Variants in ADGRB3 observed in about 807,000 individuals in gnomAD.
ADGRB3 encodes the protein adhesion G protein-coupled receptor B3, also known as brain-specific angiogenesis inhibitor 3.
In ADGRB3, 37 loss-of-function variants were observed where a neutral mutation model predicts 193.4. The ratio of observed to expected loss-of-function variants is 0.19; its 90% confidence interval spans 0.15 to 0.25. The LOEUF is 0.25. ADGRB3 is among the 10% of genes least tolerant of loss of function. The pLI is 1.00. For missense variants in ADGRB3, 1,637 were observed against 1,852.9 expected, an observed-to-expected ratio of 0.88 and a Z score of 2.14; for synonymous variants, 690 against 644.2, an observed-to-expected ratio of 1.07 and a Z score of -1.08.
rs528286255 is a variant in ADGRB3, at chr6:69,279,563, T to G, written c.2814+40337T>G. The stretch of plus-strand genomic sequence containing the variant: ...TTGATTCTGCACTATCAGACTGTAA[T>G]TATACATATATATATTTGTACTCTC... On this transcript the variant is annotated intron_variant, in intron 20 of 31. Transcript: ENST00000370598. Among the ~76,000 whole-genome samples, 68 of 152,286 alleles carry G rather than the reference T, an allele frequency of 4.5e-4. No homozygotes were observed. In the South Asian group the frequency reaches 9.7e-3, roughly 22 times the overall value.
rs576043874 is a variant in ADGRB3, at chr6:69,272,342, G to A, written c.2814+33116G>A. On this transcript the variant is annotated intron_variant, in intron 20 of 31. Transcript: ENST00000370598. ...CAGCAGATAATTAGAATGCAGTGTCGTGGTTATTGTCCAGCTCAAGAGAGA... is the reference window on the plus strand; with the variant it reads ...CAGCAGATAATTAGAATGCAGTGTCATGGTTATTGTCCAGCTCAAGAGAGA... Among the ~76,000 whole-genome samples, 10 of 152,292 alleles carry A rather than the reference G, an allele frequency of 6.6e-5. 1 individual carries two copies. The East Asian group carries it at 1.4e-3, about 21-fold the overall frequency.
chr6:69,130,105 C>T (rs1160401623), intron 17 of ADGRB3, among the ~76,000 whole-genome samples: 4 of 151,978 alleles, frequency 2.6e-5, no homozygotes, highest in African/African-American at 9.7e-5. Flanking sequence ...ATCAAAGAGC[C>T]AACAGATTCA....
intron 8 of ADGRB3, among the ~76,000 whole-genome samples, chr6:68,960,334 A>G (rs898621778): frequency 2.0e-5 from 3 of 152,192 alleles, no homozygotes; most frequent in Non-Finnish European, 4.4e-5. Context: ...AAATGTATAC[A>G]ATATTAGCAA....
At chr6:69,027,505 A>G (rs984649886) in intron 13 of ADGRB3, among the ~76,000 whole-genome samples, 1 of 152,234 alleles carries the variant, frequency 6.6e-6, no homozygotes, top group African/African-American at 2.4e-5. Flanking sequence ...ATACTAAGCA[A>G]TAGAAATTTT....
intron 3 of ADGRB3, among the ~76,000 whole-genome samples, chr6:68,647,947 TA>T (rs1451234522): frequency 6.6e-6 from 1 of 151,866 alleles, no homozygotes; most frequent in African/African-American, 2.4e-5. Flanking sequence ...AATTAGATAC[TA>T]AAAAAAATCA....
At chr6:68,940,651 G>C (rs533605206) in intron 5 of ADGRB3, among the ~76,000 whole-genome samples, 2 of 143,898 alleles carry the variant, frequency 1.4e-5, no homozygotes, top group African/African-American at 5.1e-5. Flanking sequence ...TGTAATCCCA[G>C]CACTTTGGGA....
At chr6:69,070,422 G>A (rs1397343338) in intron 16 of ADGRB3, among the ~76,000 whole-genome samples, 1 of 152,012 alleles carries the variant, frequency 6.6e-6, no homozygotes, top group South Asian at 2.1e-4. Context: ...CTTAAATCAG[G>A]GTAATGAACA....
chr6:69,376,594 A>G (rs1056647634), intron 30 of ADGRB3, among the ~76,000 whole-genome samples: 1 of 152,004 alleles, frequency 6.6e-6, no homozygotes, highest in Admixed American at 6.6e-5. Context: ...GGGGGATAAT[A>G]GAAGTAAGAG....
chr6:68,737,314 C>CT (rs1765891393), intron 3 of ADGRB3, among the ~76,000 whole-genome samples: 1 of 151,938 alleles, frequency 6.6e-6, no homozygotes, highest in African/African-American at 2.4e-5. Context: ...AAAAGACATT[C>CT]TTTTTTTGCA....
intron 17 of ADGRB3, among the ~76,000 whole-genome samples, chr6:69,136,068 T>A (rs1474897421): frequency 6.6e-6 from 1 of 152,066 alleles, no homozygotes; most frequent in Non-Finnish European, 1.5e-5. Flanking sequence ...GTCAGAAATA[T>A]ACCCCTAGTA....
intron 8 of ADGRB3, among the ~76,000 whole-genome samples, chr6:68,963,237 G>A (rs1463086619): frequency 6.6e-6 from 1 of 152,002 alleles, no homozygotes; most frequent in Non-Finnish European, 1.5e-5. Flanking sequence ...TATAAAATAG[G>A]GATAATAATA....
At chr6:69,265,255 C>T (rs1360418021) in intron 20 of ADGRB3, among the ~76,000 whole-genome samples, 1 of 151,802 alleles carries the variant, frequency 6.6e-6, no homozygotes, top group African/African-American at 2.4e-5. Context: ...TCATATGCAG[C>T]TAGAATTGAG....
intron 3 of ADGRB3, among the ~76,000 whole-genome samples, chr6:68,853,319 T>C (rs1582256007): frequency 6.6e-6 from 1 of 152,192 alleles, no homozygotes; most frequent in Non-Finnish European, 1.5e-5. Flanking sequence ...AAAGATTTCA[T>C]AACCTGTATT....
intron 8 of ADGRB3, among the ~76,000 whole-genome samples, chr6:68,958,160 C>G (rs1221209895): frequency 6.6e-6 from 1 of 151,920 alleles, no homozygotes; most frequent in Non-Finnish European, 1.5e-5. Context: ...GAGATTGCAC[C>G]ACTGCACTGC....
intron 20 of ADGRB3, among the ~76,000 whole-genome samples, chr6:69,323,354 A>C (rs1768503148): frequency 6.6e-6 from 1 of 152,004 alleles, no homozygotes; most frequent in South Asian, 2.1e-4. Context: ...GATCAAAAAT[A>C]AGCAAACTAG....
chr6:69,210,515 A>G (rs1193746280), intron 17 of ADGRB3, among the ~76,000 whole-genome samples: 1 of 152,036 alleles, frequency 6.6e-6, no homozygotes, highest in Non-Finnish European at 1.5e-5. Context: ...ACTACTTTGT[A>G]TTCTTCAATT....
At chr6:69,255,176 A>G (rs1407776060) in intron 20 of ADGRB3, among the ~76,000 whole-genome samples, 21 of 152,122 alleles carry the variant, frequency 1.4e-4, no homozygotes, top group Non-Finnish European at 2.6e-4. Flanking sequence ...ATACGTGTGC[A>G]TGTGTCTTTA....
At chr6:69,177,880 G>T (rs993260321) in intron 17 of ADGRB3, among the ~76,000 whole-genome samples, 54 of 152,232 alleles carry the variant, frequency 3.5e-4, no homozygotes, top group Middle Eastern at 3.4e-3. Flanking sequence ...TTGGAATATG[G>T]TCCATGTGCA....
At chr6:68,832,064 A>C (rs543141518) in intron 3 of ADGRB3, among the ~76,000 whole-genome samples, 185 of 152,276 alleles carry the variant, frequency 1.2e-3, no homozygotes, top group African/African-American at 4.3e-3. Flanking sequence ...AGACTACTTC[A>C]TTTTAATTAC....
Sources: allele counts gnomAD v4.1 joint callset (sites outside exome capture counted in the v4.1 genomes callset), GRCh38; gene constraint gnomAD v4.1.1; transcripts MANE v1.5; gene names NCBI Gene and HGNC (gene_info 2026-07-23, HGNC 2026-07-21).